The following FHOD3 variants were observed in gnomAD, a reference collection of about 807,000 sequenced individuals.
FHOD3 encodes the protein FH1/FH2 domain-containing protein 3.
In FHOD3, 90 loss-of-function variants were observed where a neutral mutation model predicts 173.0. That is an observed-to-expected ratio of 0.52 (90% confidence interval 0.44 to 0.62). The LOEUF is 0.62. Among genes scored for constraint, FHOD3 ranks in the 20% least tolerant of loss-of-function variants. The pLI, the probability that FHOD3 is intolerant of heterozygous loss-of-function variation, is 0.00. For missense variants in FHOD3, 1,945 were observed against 2,034.7 expected (o/e 0.96, Z 0.85); for synonymous variants, 828 against 823.0 (o/e 1.01, Z -0.10).
At chr18:36,474,081 C>G (rs1170132706) in intron 3 of FHOD3, among the ~76,000 whole-genome samples, 3 of 152,196 alleles carry the variant, frequency 2.0e-5, no homozygotes, top group Non-Finnish European at 2.9e-5. Flanking sequence ...TGACCTTGAA[C>G]AGTTTAAGTT....
chr18:36,304,707 A>G (rs1195145322), intron 1 of FHOD3, among the ~76,000 whole-genome samples: 1 of 152,216 alleles, frequency 6.6e-6, no homozygotes, highest in Admixed American at 6.5e-5. Flanking sequence ...GAAGTAAACA[A>G]TTGTCAGTTA....
chr18:36,388,146 T>C (rs1197577138), intron 3 of FHOD3, among the ~76,000 whole-genome samples: 2 of 152,166 alleles, frequency 1.3e-5, no homozygotes, highest in African/African-American at 4.8e-5. Context: ...TTCTCCAAGG[T>C]ATTTGCTCAT....
intron 28 of FHOD3, 60 bp downstream of exon 28, chr18:36,769,486 A>G (rs1311658565): frequency 1.9e-6 from 3 of 1,559,702 alleles, no homozygotes; most frequent in Non-Finnish European, 1.7e-6. Flanking sequence ...CTCCCATTCT[A>G]CGTGAACTGG....
intron 17 of FHOD3, among the ~76,000 whole-genome samples, chr18:36,708,838 C>G (rs1324515598): frequency 3.3e-5 from 5 of 152,184 alleles, no homozygotes; most frequent in African/African-American, 9.6e-5. Flanking sequence ...CCTTTAAAAG[C>G]CTTTCCTGAT....
intron 3 of FHOD3, among the ~76,000 whole-genome samples, chr18:36,380,967 G>A (rs947801676): frequency 2.0e-5 from 3 of 152,074 alleles, no homozygotes; most frequent in African/African-American, 7.2e-5. Context: ...TCATGGCCAC[G>A]GGGCTGGGAT....
chr18:36,661,017 A>C (rs1263570522), intron 14 of FHOD3, among the ~76,000 whole-genome samples: 1 of 152,178 alleles, frequency 6.6e-6, no homozygotes, highest in Admixed American at 6.5e-5. Flanking sequence ...GCTCTGAAAA[A>C]ACATATGATG....
intron 6 of FHOD3, among the ~76,000 whole-genome samples, chr18:36,591,293 C>T (rs1175056383): frequency 4.6e-5 from 7 of 152,206 alleles, no homozygotes; most frequent in African/African-American, 7.2e-5. Context: ...GTACTCAGCT[C>T]CCTGTGTGGG....
intron 1 of FHOD3, among the ~76,000 whole-genome samples, chr18:36,348,226 C>T (rs1001705032): frequency 3.9e-5 from 6 of 152,170 alleles, no homozygotes; most frequent in African/African-American, 1.4e-4. Flanking sequence ...CCAAGGAAGC[C>T]ACAAGCTTCA....
chr18:36,478,497 G>A (rs1465626674), intron 3 of FHOD3, among the ~76,000 whole-genome samples: 1 of 106,954 alleles, frequency 9.3e-6, no homozygotes, highest in Non-Finnish European at 2.0e-5. Context: ...TCAAATACTA[G>A]CTCTTACTCA....
In FHOD3 at chr18:36,652,777, C is replaced by G. The variant is rs1008584409; in HGVS notation, c.1494C>G (p.Pro498=). Reference sequence around the variant, plus strand: ...CACCCCCTGCCTCAGCTGCTCGGCCCTCCTCCGCCACACCAGGCTCCCTGA... The same window carrying G: ...CACCCCCTGCCTCAGCTGCTCGGCCGTCCTCCGCCACACCAGGCTCCCTGA... ...LLSPPASAAR[P]SSATPGSLKV... The change falls in exon 12 of 29, where the codon CCC becomes CCG. Residue 498 remains proline, a synonymous_variant. Transcript: ENST00000590592. 2.6e-6 allele frequency: 4 copies of G among 1,535,882 alleles called. No individual in the cohort carries two copies. In the African/African-American group the frequency reaches 5.5e-5, roughly 21 times the overall value.
At chr18:36,774,102 T>G (rs910336718) in intron 28 of FHOD3, among the ~76,000 whole-genome samples, 1 of 152,238 alleles carries the variant, frequency 6.6e-6, no homozygotes, top group Non-Finnish European at 1.5e-5. Context: ...TTATTTTTCC[T>G]TTCGGGCCAA....
intron 8 of FHOD3, among the ~76,000 whole-genome samples, chr18:36,609,809 C>G (rs2032481880): frequency 6.6e-6 from 1 of 152,060 alleles, no homozygotes; most frequent in Admixed American, 6.5e-5. Context: ...CTGGGTTTCG[C>G]CATGTTGGCC....
At chr18:36,352,944 G>A (rs2145717377) in intron 1 of FHOD3, among the ~76,000 whole-genome samples, 1 of 152,286 alleles carries the variant, frequency 6.6e-6, no homozygotes. Flanking sequence ...ATTTCCATTG[G>A]AATTTTCCAC....
At chr18:36,335,882 C>T (rs1212976212) in intron 1 of FHOD3, among the ~76,000 whole-genome samples, 2 of 152,196 alleles carry the variant, frequency 1.3e-5, no homozygotes, top group African/African-American at 4.8e-5. Flanking sequence ...CCTGCCTGTT[C>T]AGCCATTACC....
intron 1 of FHOD3, among the ~76,000 whole-genome samples, chr18:36,307,135 T>C (rs1467114439): frequency 6.6e-6 from 1 of 152,120 alleles, no homozygotes; most frequent in Non-Finnish European, 1.5e-5. Flanking sequence ...GGCTAATTTT[T>C]GTATTTTTAG....
intron 3 of FHOD3, among the ~76,000 whole-genome samples, chr18:36,456,340 C>T (rs9959707): frequency 1.2e-3 from 181 of 152,082 alleles, no homozygotes; most frequent in African/African-American, 3.9e-3. Flanking sequence ...AGCTGGGGTC[C>T]GGGCTGTAGA....
intron 3 of FHOD3, among the ~76,000 whole-genome samples, chr18:36,428,282 C>T (rs1568258800): frequency 6.6e-6 from 1 of 152,190 alleles, no homozygotes; most frequent in Non-Finnish European, 1.5e-5. Context: ...CTCCCCGAGT[C>T]CTCTAGCATT....
chr18:36,619,283 G>A (rs572356705), intron 9 of FHOD3, among the ~76,000 whole-genome samples: 1 of 152,310 alleles, frequency 6.6e-6, no homozygotes, highest in South Asian at 2.1e-4. Flanking sequence ...GACATGCCAA[G>A]GAAGCTCTGA....
At chr18:36,444,851 G>A (rs1239689010) in intron 3 of FHOD3, among the ~76,000 whole-genome samples, 1 of 152,140 alleles carries the variant, frequency 6.6e-6, no homozygotes. Context: ...CCTATGTAAT[G>A]ACATGTAGGC....
Sources: gnomAD v4.1 joint callset for allele counts (sites outside exome capture counted in the v4.1 genomes callset) on GRCh38, gnomAD v4.1.1 for gene constraint, MANE v1.5 for transcripts, NCBI Gene and HGNC (gene_info 2026-07-23, HGNC 2026-07-21) for gene names.